The following TALDO1 variants were observed in gnomAD, a reference collection of about 807,000 sequenced individuals.
TALDO1 encodes the protein transaldolase 1, also known as transaldolase.
Under a neutral mutation model 38.1 loss-of-function variants are expected in TALDO1, and 29 were observed. The observed-to-expected ratio is 0.76, with a 90% CI of 0.57 to 1.04. The LOEUF is 1.04. Among genes scored for constraint, TALDO1 ranks in the 50% least tolerant of loss-of-function variants. The pLI is 0.00. For synonymous variants in TALDO1, 207 were observed against 176.8 expected (o/e 1.17, Z -1.36); for missense variants, 499 against 438.1 (o/e 1.14, Z -1.24).
chr11:758,245 T>C (rs1862871964), intron 2 of TALDO1, among the ~76,000 whole-genome samples: 1 of 152,130 alleles, frequency 6.6e-6, no homozygotes, highest in African/African-American at 2.4e-5. Flanking sequence ...ATTGTGCCAC[T>C]GCACTCCAGC....
intron 2 of TALDO1, among the ~76,000 whole-genome samples, chr11:757,151 C>T (rs1292366405): frequency 6.6e-6 from 1 of 152,128 alleles, no homozygotes; most frequent in African/African-American, 2.4e-5. Flanking sequence ...TTCTTAGCTC[C>T]CTTTTCCTCA....
At chr11:753,056 CTG>C (rs1862774007) in intron 1 of TALDO1, among the ~76,000 whole-genome samples, 1 of 152,180 alleles carries the variant, frequency 6.6e-6, no homozygotes, top group Admixed American at 6.5e-5. Flanking sequence ...GAAGTCCTCT[CTG>C]TTGATTATTC....
Position 763,955 on chromosome 11 carries a change from A to C in TALDO1, c.835+11A>C, listed in dbSNP as rs758547544. The stretch of plus-strand genomic sequence containing the variant: ...TCTCAGCCAAGGCGGGTGAGGCCCC[A>C]CTGCCCAGCTGTGGCTCCTGCTCGG... On this transcript the variant is annotated intron_variant, in intron 6 of 7. Transcript: ENST00000319006. 6.2e-7 allele frequency: 1 copy of C among 1,605,816 alleles called. No individual in the cohort carries two copies. Among genetic ancestry groups the C allele is most frequent in the Non-Finnish European group, 8.5e-7 (1 of 1,179,428 alleles).
chr11:753,192 G>A (rs747810214), intron 1 of TALDO1, among the ~76,000 whole-genome samples: 3 of 151,782 alleles, frequency 2.0e-5, no homozygotes, highest in Non-Finnish European at 2.9e-5. Flanking sequence ...TCAGGAGTTC[G>A]AGACCAGCCC....
At chr11:754,679 C>A (rs1202711830) in intron 1 of TALDO1, among the ~76,000 whole-genome samples, 1 of 152,056 alleles carries the variant, frequency 6.6e-6, no homozygotes, top group Non-Finnish European at 1.5e-5. Flanking sequence ...ACCATTTTGG[C>A]CAGGCTGGTT....
chr11:749,407 A>AAG (rs1862714731), intron 1 of TALDO1, among the ~76,000 whole-genome samples: 1 of 151,910 alleles, frequency 6.6e-6, no homozygotes, highest in Non-Finnish European at 1.5e-5. Flanking sequence ...GTCTCAAAAA[A>AAG]AAAAAAAAAA....
In TALDO1 at chr11:755,604, G is replaced by C. The variant is rs535478330; in HGVS notation, c.98-275G>C. The C allele has an allele frequency of 2.5e-5, 12 of 470,672 alleles. No individual in the cohort carries two copies. The Admixed American group carries it at 3.3e-4, about 13-fold the overall frequency. The allele number at this position is 470,672 out of a possible 1,614,324, so 29.2% of individuals were successfully genotyped here. A position where few individuals can be genotyped will look rare whatever the true frequency, so the allele number is the denominator to read the frequency against. On this transcript the variant is annotated intron_variant, in intron 1 of 7. Coordinates refer to ENST00000319006, the MANE Select transcript of TALDO1 (RefSeq NM_006755.2). ...TTTGACCAGCGTTCTCCCAGCTGTC[G>C]CACCGCTCACTCCCATGCTGTTACA...
chr11:754,027 C>T (rs1007962835), intron 1 of TALDO1, among the ~76,000 whole-genome samples: 2 of 152,066 alleles, frequency 1.3e-5, no homozygotes, highest in Admixed American at 6.6e-5. Flanking sequence ...CTCCATTGCC[C>T]AGGCTGTAGT....
Position 755,947 on chromosome 11 carries a change from C to T in TALDO1, c.166C>T (p.Pro56Ser). Residue 56 changes from proline to serine, a missense_variant, in exon 2 of 8, where the codon CCC becomes TCC. Pro to Ser is a moderately conservative substitution (Grantham distance 74). Transcript: ENST00000319006. ...PSLILAAAQM[P>S]AYQELVEEAI... ...CCTGATCCTGGCCGCAGCACAGATG[C>T]CCGCTTACCAGGAGCTGGTGGAGGA... The T allele has an allele frequency of 4.3e-6, 7 of 1,614,106 alleles. No individual in the cohort carries two copies. In the Middle Eastern group the frequency reaches 5.0e-4, roughly 114 times the overall value.
chr11:747,688 G>A, intron 1 of TALDO1, 110 bp downstream of exon 1: 30 of 980,700 alleles, frequency 3.1e-5, no homozygotes, highest in Non-Finnish European at 2.2e-5. Flanking sequence ...GCGGTGCCCC[G>A]GGCGGCTCGT....
chr11:751,329 T>C (rs1404095994), intron 1 of TALDO1, among the ~76,000 whole-genome samples: 3 of 151,968 alleles, frequency 2.0e-5, no homozygotes, highest in Non-Finnish European at 4.4e-5. Context: ...GAAGAAAAAA[T>C]TGCAGTTCAA....
rs778508997 is a variant in TALDO1 at position 764,389 on chromosome 11, C to T, written c.937C>T (p.Arg313Cys). 10 of 1,613,086 alleles carry T rather than the reference C, an allele frequency of 6.2e-6. 1 individual carries two copies. Among genetic ancestry groups the T allele is most frequent in the South Asian group, 3.3e-5 (3 of 91,080 alleles). Residue 313 changes from arginine (R) to cysteine (C), a missense_variant, in exon 7 of 8, where the codon CGC (arginine) becomes TGC (cysteine). Arg to Cys is a radical substitution (Grantham distance 180). Coordinates refer to ENST00000319006, the MANE Select transcript of TALDO1 (RefSeq NM_006755.2). ...TGTGGAGAAGCTCTCTGACGGGATC[C>T]GCAAGTTTGCCGCTGATGCAGTGAA... ...MAVEKLSDGIRKFAADAVKLE... is the reference protein window; with the variant it reads ...MAVEKLSDGICKFAADAVKLE...
At chr11:763,315 C>CCCCGCCCTCACCTGT (rs774382662) in intron 4 of TALDO1, 29 bp from the exon 5 acceptor site, 1 of 1,256,456 alleles carries the variant, frequency 8.0e-7, no homozygotes, top group Non-Finnish European at 1.1e-6. Context: ...CCCTCACCTG[C>CCCCGCCCTCACCTGT]CCCGCCCTCA....
In TALDO1 at chr11:763,609, CA is replaced by C. The variant is rs942562328; in HGVS notation, c.637+92del. ...GCCCGAGACGGAGCTGCCGCATCAA[CA>C]AGCAGTGAGGTGCACAGGTCGGCGC... is the stretch of plus-strand genomic sequence containing the variant. On this transcript the variant is annotated intron_variant, in intron 5 of 7. Coordinates refer to ENST00000319006, the MANE Select transcript of TALDO1 (RefSeq NM_006755.2). The C allele has an allele frequency of 3.5e-5, 55 of 1,587,038 alleles. No homozygotes were observed. In the African/African-American group the frequency reaches 6.5e-4, roughly 19 times the overall value.
At chr11:762,661 G>A (rs1291416055) in intron 4 of TALDO1, among the ~76,000 whole-genome samples, 1 of 152,246 alleles carries the variant, frequency 6.6e-6, no homozygotes, top group Non-Finnish European at 1.5e-5. Flanking sequence ...GTCTGAAGGT[G>A]CCTGAGCAGA....
chr11:764,529 G>C, intron 7 of TALDO1, 96 bp downstream of exon 7: 2 of 1,547,486 alleles, frequency 1.3e-6, no homozygotes, highest in Non-Finnish European at 1.8e-6. Flanking sequence ...AAACTTTGGT[G>C]AGACCCCAGG....
In TALDO1 at chr11:760,152, C is replaced by T. The variant is rs781535453; in HGVS notation, c.360C>T (p.Ala120=). Residue 120 remains alanine, a synonymous_variant, in exon 4 of 8, where the codon GCC becomes GCT. Coordinates refer to ENST00000319006, the MANE Select transcript of TALDO1 (RefSeq NM_006755.2). ...CCTTTGATAAAGATGCGATGGTGGC[C>T]AGAGCCAGGCGGCTCATCGAGCTCT... The part of the protein sequence containing the change: ...RLSFDKDAMV[A]RARRLIELYK... 2 of 1,614,056 alleles carry T rather than the reference C, an allele frequency of 1.2e-6. No homozygotes were observed. The highest frequency in any genetic ancestry group is 3.3e-5 in the Admixed American group (2 of 60,006).
At chr11:749,333 C>A (rs1333407190) in intron 1 of TALDO1, among the ~76,000 whole-genome samples, 5 of 139,262 alleles carry the variant, frequency 3.6e-5, no homozygotes, top group African/African-American at 1.4e-4. Context: ...ACCCAGAAGG[C>A]GGAGGTTGCA....
intron 1 of TALDO1, among the ~76,000 whole-genome samples, chr11:751,752 G>A (rs1256434781): frequency 1.3e-5 from 2 of 152,026 alleles, no homozygotes; most frequent in East Asian, 1.9e-4. Context: ...CCGGGATCAC[G>A]CCACTGCACT....
Sources: allele counts gnomAD v4.1 joint callset (sites outside exome capture counted in the v4.1 genomes callset), GRCh38; gene constraint gnomAD v4.1.1; transcripts MANE v1.5; gene names NCBI Gene and HGNC (gene_info 2026-07-23, HGNC 2026-07-21).